The following DIS3L2 variants were observed in gnomAD, a reference collection of about 807,000 sequenced individuals.
DIS3L2 encodes DIS3 like 3'-5' exoribonuclease 2, also known as DIS3-like exonuclease 2.
In DIS3L2, 34 loss-of-function variants were observed where a neutral mutation model predicts 97.5. That is an observed-to-expected ratio of 0.35 (90% CI 0.27 to 0.46). The LOEUF (loss-of-function observed/expected upper bound fraction) is 0.46, where lower values mean the gene tolerates loss of function less well. Among genes scored for constraint, DIS3L2 ranks in the 20% least tolerant of loss-of-function variants. DIS3L2 has a pLI of 1.00. For missense variants in DIS3L2, 1,038 were observed against 1,146.0 expected (o/e 0.91, Z 1.36); for synonymous variants, 435 against 445.2 (o/e 0.98, Z 0.29).
intron 6 of DIS3L2, among the ~76,000 whole-genome samples, chr2:232,098,333 G>A (rs948710140): frequency 6.6e-6 from 1 of 150,474 alleles, no homozygotes; most frequent in African/African-American, 2.4e-5. Flanking sequence ...TCTGCCAACA[G>A]TTAGGATTAT....
At chr2:232,136,219 A>G (rs1048654101) in intron 7 of DIS3L2, among the ~76,000 whole-genome samples, 1 of 152,248 alleles carries the variant, frequency 6.6e-6, no homozygotes, top group Non-Finnish European at 1.5e-5. Flanking sequence ...GACACAGGTC[A>G]TGGTAATAAA....
At chr2:232,013,769 C>G (rs1694277187) in intron 1 of DIS3L2, among the ~76,000 whole-genome samples, 1 of 152,200 alleles carries the variant, frequency 6.6e-6, no homozygotes, top group Non-Finnish European at 1.5e-5. Flanking sequence ...CTTTCCCATT[C>G]CCTTGCTGTT....
rs138856297 is a variant in DIS3L2, at chr2:232,217,130, C to T, written c.1204+6725C>T. ...TGCTGGGATTAAAGGTGTGAGCCAC[C>T]GCGCCTGGCCACAACACCTCTTTCT... On this transcript the variant is annotated intron_variant, in intron 10 of 20. Transcript: ENST00000325385. Among the ~76,000 whole-genome samples the T allele has an allele frequency of 3.8e-3, 583 of 152,260 alleles. 30 individuals carry two copies. In the East Asian group the frequency reaches 0.097, roughly 25 times the overall value.
At chr2:232,255,653 C>T (rs1459030499) in intron 12 of DIS3L2, among the ~76,000 whole-genome samples, 1 of 152,040 alleles carries the variant, frequency 6.6e-6, no homozygotes, top group Non-Finnish European at 1.5e-5. Context: ...AGTCCTTAGA[C>T]CTTAGAACCT....
chr2:232,080,078 A>G (rs1255755411), intron 5 of DIS3L2, among the ~76,000 whole-genome samples: 1 of 152,256 alleles, frequency 6.6e-6, no homozygotes, highest in Non-Finnish European at 1.5e-5. Flanking sequence ...TCAGCGTGGC[A>G]ATAAAGGTTG....
intron 6 of DIS3L2, among the ~76,000 whole-genome samples, chr2:232,108,895 A>G (rs1361067305): frequency 6.6e-6 from 1 of 152,226 alleles, no homozygotes; most frequent in Admixed American, 6.5e-5. Context: ...CCGCTGCTCA[A>G]AGAAATCAGA....
chr2:232,103,954 T>A (rs1697282652), intron 6 of DIS3L2, among the ~76,000 whole-genome samples: 1 of 152,218 alleles, frequency 6.6e-6, no homozygotes, highest in African/African-American at 2.4e-5. Flanking sequence ...TTCAGTTGTT[T>A]AGTTTCATCT....
At chr2:232,223,831 G>A (rs1183329198) in intron 10 of DIS3L2, among the ~76,000 whole-genome samples, 1 of 152,222 alleles carries the variant, frequency 6.6e-6, no homozygotes, top group African/African-American at 2.4e-5. Context: ...GCTCACGCCT[G>A]TAATCCAACA....
intron 1 of DIS3L2, among the ~76,000 whole-genome samples, chr2:231,969,493 TCGAGA>T (rs1692830775): frequency 6.6e-6 from 1 of 151,934 alleles, no homozygotes; most frequent in Admixed American, 6.6e-5. Flanking sequence ...GTATTTTCAG[TCGAGA>T]CGGGGTTTCA....
At chr2:232,126,281 G>A (rs1347951465) in intron 6 of DIS3L2, among the ~76,000 whole-genome samples, 1 of 152,214 alleles carries the variant, frequency 6.6e-6, no homozygotes, top group African/African-American at 2.4e-5. Context: ...GTCTGGGCCT[G>A]TATGTTAGAA....
At chr2:232,116,847 A>G (rs1238119464) in intron 6 of DIS3L2, among the ~76,000 whole-genome samples, 1 of 152,124 alleles carries the variant, frequency 6.6e-6, no homozygotes. Flanking sequence ...AACAACAACA[A>G]CAACAACAAA....
intron 6 of DIS3L2, among the ~76,000 whole-genome samples, chr2:232,119,325 A>T (rs1372573524): frequency 1.3e-5 from 2 of 152,184 alleles, no homozygotes; most frequent in South Asian, 4.1e-4. Flanking sequence ...TCCTTAGAAG[A>T]CGGGTAGAGA....
chr2:232,329,759 G>A, intron 14 of DIS3L2, 54 bp from the exon 15 acceptor site: 1 of 1,428,756 alleles, frequency 7.0e-7, no homozygotes, highest in East Asian at 2.7e-5. Context: ...GGGAAAGCCT[G>A]CGCACCTGTC....
rs866926882 is a variant in DIS3L2 at position 232,335,785 on chromosome 2, C to A, written c.2407C>A (p.Arg803=). 6.4e-7 allele frequency: 1 copy of A among 1,550,494 alleles called. No homozygotes were observed. Among genetic ancestry groups the A allele is most frequent in the Admixed American group, 2.0e-5 (1 of 51,012 alleles). ...KRIYCNALAL[R]SHHFQKVGKK... ...GTTTGCACTCCAGGCACTGGCCCTGCGGTCCCACCACTTCCAGAAGGTGGG... is the reference window on the plus strand; with the variant it reads ...GTTTGCACTCCAGGCACTGGCCCTGAGGTCCCACCACTTCCAGAAGGTGGG... The change falls in exon 20 of 21, where the codon CGG becomes AGG. Residue 803 remains arginine, a synonymous_variant. Transcript: ENST00000325385.
intron 1 of DIS3L2, among the ~76,000 whole-genome samples, chr2:231,982,662 T>A (rs927783953): frequency 6.6e-6 from 1 of 151,782 alleles, no homozygotes; most frequent in Non-Finnish European, 1.5e-5. Flanking sequence ...TTGGATTTGT[T>A]TCTTAGTGTT....
intron 11 of DIS3L2, among the ~76,000 whole-genome samples, chr2:232,239,184 G>A (rs1559169763): frequency 6.6e-6 from 1 of 152,182 alleles, no homozygotes. Context: ...ACCACTCTTG[G>A]TTAGTTACTA....
chr2:231,981,554 C>T (rs1175222908), intron 1 of DIS3L2, among the ~76,000 whole-genome samples: 1 of 136,368 alleles, frequency 7.3e-6, no homozygotes. Flanking sequence ...GTATCTCCTC[C>T]TAACTGTAAT....
chr2:232,212,068 G>T (rs1244062763), intron 10 of DIS3L2, among the ~76,000 whole-genome samples: 3 of 152,186 alleles, frequency 2.0e-5, no homozygotes, highest in Non-Finnish European at 4.4e-5. Flanking sequence ...AAGAGAAAAG[G>T]TCCCCTGGAA....
At chr2:232,311,747 T>G (rs1453452733) in intron 14 of DIS3L2, among the ~76,000 whole-genome samples, 1 of 152,226 alleles carries the variant, frequency 6.6e-6, no homozygotes, top group Non-Finnish European at 1.5e-5. Flanking sequence ...AGCTTTTCTC[T>G]TTCAGCATTA....
Sources: gnomAD v4.1 joint callset for allele counts (sites outside exome capture counted in the v4.1 genomes callset) on GRCh38, gnomAD v4.1.1 for gene constraint, MANE v1.5 for transcripts, NCBI Gene and HGNC (gene_info 2026-07-23, HGNC 2026-07-21) for gene names.